The following RERE variants were observed in gnomAD, a reference collection of about 807,000 sequenced individuals.
The protein encoded by RERE is arginine-glutamic acid dipeptide repeats protein.
RERE carries 40 observed loss-of-function variants against 146.1 expected under a neutral mutation model. The observed-to-expected ratio is 0.27, with a 90% CI of 0.21 to 0.36. The LOEUF (loss-of-function observed/expected upper bound fraction) is 0.36. RERE is among the 10% of genes least tolerant of loss of function. The pLI is 1.00. For missense variants in RERE, 1,933 were observed against 2,138.7 expected, an observed-to-expected ratio of 0.90 and a Z score of 1.90; for synonymous variants, 1,003 against 866.0, an observed-to-expected ratio of 1.16 and a Z score of -2.78.
At chr1:8,520,255 G>A (rs1343905435) in intron 7 of RERE, among the ~76,000 whole-genome samples, 1 of 152,066 alleles carries the variant, frequency 6.6e-6, no homozygotes, top group Non-Finnish European at 1.5e-5. Context: ...TAGCTTAATA[G>A]AAGAAATCAA....
At chr1:8,705,858 T>A in intron 1 of RERE, among the ~76,000 whole-genome samples, 1 of 152,148 alleles carries the variant, frequency 6.6e-6, no homozygotes, top group East Asian at 1.9e-4. Context: ...GGCTCACGCC[T>A]ATAATCCCAG....
chr1:8,404,403 G>A (rs947409030), intron 12 of RERE, among the ~76,000 whole-genome samples: 1 of 151,806 alleles, frequency 6.6e-6, no homozygotes, highest in Admixed American at 6.6e-5. Flanking sequence ...CGGCGACATA[G>A]TGAGACTCTG....
intron 8 of RERE, among the ~76,000 whole-genome samples, chr1:8,501,335 G>C (rs1447565305): frequency 1.5e-4 from 17 of 112,792 alleles, no homozygotes; most frequent in Admixed American, 4.1e-4. Context: ...AGGGAGGTGG[G>C]GGGTCAGCAC....
chr1:8,669,655 G>A (rs760392644), intron 1 of RERE, among the ~76,000 whole-genome samples: 6 of 152,108 alleles, frequency 3.9e-5, no homozygotes, highest in Non-Finnish European at 5.9e-5. Flanking sequence ...TTTATTTCAC[G>A]TAATGCTGAG....
chr1:8,532,848 G>GTGGGATTACACCCA (rs1645675219), intron 7 of RERE, among the ~76,000 whole-genome samples: 1 of 152,066 alleles, frequency 6.6e-6, no homozygotes, highest in South Asian at 2.1e-4. Flanking sequence ...ACCTGCCTTG[G>GTGGGATTACACCCA]CCTCCCAAAG....
chr1:8,804,892 A>AAG (rs1231648148), intron 1 of RERE, among the ~76,000 whole-genome samples: 7 of 152,168 alleles, frequency 4.6e-5, no homozygotes, highest in African/African-American at 1.4e-4. Context: ...TTTGGTTTCT[A>AAG]CCACTCACTG....
intron 1 of RERE, among the ~76,000 whole-genome samples, chr1:8,680,844 A>C (rs1638948371): frequency 6.6e-6 from 1 of 152,202 alleles, no homozygotes; most frequent in Non-Finnish European, 1.5e-5. Context: ...GAAATTGAAA[A>C]ACACTATAGC....
At chr1:8,687,140 G>A (rs916317127) in intron 1 of RERE, among the ~76,000 whole-genome samples, 1 of 152,178 alleles carries the variant, frequency 6.6e-6, no homozygotes, top group Non-Finnish European at 1.5e-5. Flanking sequence ...GGAGAAAAGC[G>A]GCATGTTTGT....
intron 1 of RERE, among the ~76,000 whole-genome samples, chr1:8,720,765 T>C (rs1444673454): frequency 6.6e-6 from 1 of 152,108 alleles, no homozygotes; most frequent in African/African-American, 2.4e-5. Flanking sequence ...CCATTAAAAT[T>C]AAAAATCTAG....
chr1:8,414,946 A>T (rs1643720491), intron 12 of RERE, among the ~76,000 whole-genome samples: 1 of 152,186 alleles, frequency 6.6e-6, no homozygotes, highest in South Asian at 2.1e-4. Context: ...TTTTCAAAAC[A>T]ATACTATTAA....
intron 4 of RERE, among the ~76,000 whole-genome samples, chr1:8,574,795 G>C (rs1646270032): frequency 6.6e-6 from 1 of 152,192 alleles, no homozygotes; most frequent in Non-Finnish European, 1.5e-5. Flanking sequence ...GAGAGGGCAC[G>C]AGGGTAACCT....
At chr1:8,752,381 T>A (rs559603808) in intron 1 of RERE, among the ~76,000 whole-genome samples, 3 of 152,138 alleles carry the variant, frequency 2.0e-5, no homozygotes, top group Non-Finnish European at 4.4e-5. Flanking sequence ...ATACTCCCAG[T>A]ATCATCTAGT....
At position 8,354,919 on chromosome 1, in the gene RERE, A is replaced by C. The variant is rs1233207971; in HGVS notation, c.*168T>G. 3 of 626,038 alleles carry C rather than the reference A, an allele frequency of 4.8e-6. No individual in the cohort carries two copies. The highest frequency in any genetic ancestry group is 8.3e-6 in the Non-Finnish European group (3 of 363,368). 38.8% of individuals were successfully genotyped at this position (626,038 alleles called of 1,614,324 possible). On this transcript the variant is annotated 3_prime_UTR_variant, in exon 23 of 23. Transcript: ENST00000400908. Reference sequence around the variant, plus strand: ...ACCAGTCTCAGGAAATCCTCTCGACAAACGAACACTACTATGTGGATACAT... The same window carrying C: ...ACCAGTCTCAGGAAATCCTCTCGACCAACGAACACTACTATGTGGATACAT...
chr1:8,437,899 T>C (rs1323865839), intron 11 of RERE, among the ~76,000 whole-genome samples: 5 of 126,494 alleles, frequency 4.0e-5, no homozygotes, highest in East Asian at 5.0e-4. Flanking sequence ...TCCCCCGAAA[T>C]AGAGTCCTTT....
chr1:8,732,435 TCAA>T (rs1167453323), intron 1 of RERE, among the ~76,000 whole-genome samples: 2 of 152,156 alleles, frequency 1.3e-5, no homozygotes, highest in African/African-American at 4.8e-5. Context: ...AAAAGGAACT[TCAA>T]CTTTCTTTAA....
chr1:8,664,430 A>G (rs147832283), intron 1 of RERE, among the ~76,000 whole-genome samples: 19 of 152,142 alleles, frequency 1.2e-4, no homozygotes, highest in African/African-American at 4.6e-4. Flanking sequence ...CAGGACACAC[A>G]GGAGGATCCA....
chr1:8,758,647 T>G (rs2124527015), intron 1 of RERE, among the ~76,000 whole-genome samples: 1 of 151,658 alleles, frequency 6.6e-6, no homozygotes, highest in South Asian at 2.1e-4. Flanking sequence ...CTCATCAACC[T>G]TTTTTTTGAA....
At chr1:8,813,798 A>G (rs903848663) in intron 1 of RERE, among the ~76,000 whole-genome samples, 3 of 152,014 alleles carry the variant, frequency 2.0e-5, no homozygotes, top group Non-Finnish European at 4.4e-5. Context: ...TATTTTTAGT[A>G]GAGACGAGGT....
At chr1:8,816,588 T>TAA (rs1290415465) in intron 1 of RERE, among the ~76,000 whole-genome samples, 1 of 152,166 alleles carries the variant, frequency 6.6e-6, no homozygotes, top group Non-Finnish European at 1.5e-5. Flanking sequence ...TCCATCATCT[T>TAA]AAAAATTAGT....
Sources: allele counts gnomAD v4.1 joint callset (sites outside exome capture counted in the v4.1 genomes callset), GRCh38; gene constraint gnomAD v4.1.1; transcripts MANE v1.5; gene names NCBI Gene and HGNC (gene_info 2026-07-23, HGNC 2026-07-21).